C12orf56: variants seen among roughly 807,000 people sequenced by gnomAD.
C12orf56 encodes chromosome 12 open reading frame 56.
Under a neutral mutation model 69.9 loss-of-function variants are expected in C12orf56, and 71 were observed. That is an observed-to-expected ratio of 1.02 (90% confidence interval 0.84 to 1.24). C12orf56 has a LOEUF of 1.24. Ranked by LOEUF, C12orf56 falls within the 50% of genes most tolerant of loss-of-function variation. The pLI, the probability that C12orf56 is intolerant of heterozygous loss-of-function variation, is 0.00. For synonymous variants in C12orf56, 276 were observed against 274.1 expected (o/e 1.01, Z -0.07); for missense variants, 732 against 738.5 (o/e 0.99, Z 0.10).
chr12:64,372,096 T>A (rs772205546), intron 1 of C12orf56, among the ~76,000 whole-genome samples: 41 of 152,078 alleles, frequency 2.7e-4, no homozygotes, highest in Admixed American at 5.2e-4. Context: ...CACAGTACTT[T>A]CTCTGTTCAA....
chr12:64,266,631 A>T lies in C12orf56; in HGVS notation c.*552T>A. On this transcript the variant is annotated 3_prime_UTR_variant, in exon 13 of 13. Transcript: ENST00000543942. ...GGTTTTTGGATGGCTCTGAGTACAG[A>T]ATCGGGTGAAGAGCATGCTCCTGTG... 1 of 847,496 alleles carries T rather than the reference A, an allele frequency of 1.2e-6. No individual in the cohort carries two copies. Among genetic ancestry groups the T allele is most frequent in the South Asian group, 4.7e-5 (1 of 21,176 alleles). 52.5% of individuals were successfully genotyped at this position (847,496 alleles called of 1,614,324 possible). A position where few individuals can be genotyped will look rare whatever the true frequency, so the allele number is the denominator to read the frequency against.
At chr12:64,268,786 C>T (rs993669377) in intron 12 of C12orf56, among the ~76,000 whole-genome samples, 1 of 151,956 alleles carries the variant, frequency 6.6e-6, no homozygotes, top group African/African-American at 2.4e-5. Context: ...TTTGGACGAG[C>T]TCAGAGCCAA....
intron 2 of C12orf56, among the ~76,000 whole-genome samples, chr12:64,350,093 G>GAAAA (rs200890156): frequency 8.4e-6 from 1 of 119,528 alleles, no homozygotes. Context: ...CTCAGTCTCA[G>GAAAA]AAAAAAAAAA....
At chr12:64,308,046 C>T (rs1351172144) in intron 5 of C12orf56, among the ~76,000 whole-genome samples, 4 of 151,052 alleles carry the variant, frequency 2.6e-5, no homozygotes, top group East Asian at 3.9e-4. Context: ...CGGCTGGGCG[C>T]GGTGGCTCGT....
At chr12:64,283,986 C>T (rs2038165886) in intron 8 of C12orf56, among the ~76,000 whole-genome samples, 1 of 151,598 alleles carries the variant, frequency 6.6e-6, no homozygotes, top group South Asian at 2.1e-4. Context: ...CAACCTCCAC[C>T]TCCCAGGTTC....
chr12:64,383,285 C>A (rs2039744768), intron 1 of C12orf56, among the ~76,000 whole-genome samples: 1 of 149,104 alleles, frequency 6.7e-6, no homozygotes, highest in South Asian at 2.1e-4. Context: ...CCAGTGCAAT[C>A]CAGCCTGGGC....
At chr12:64,388,732 C>T (rs1181980146) in intron 1 of C12orf56, among the ~76,000 whole-genome samples, 2 of 152,196 alleles carry the variant, frequency 1.3e-5, no homozygotes, top group East Asian at 3.8e-4. Context: ...TGGCATGAGC[C>T]TGTAGTCCCA....
intron 1 of C12orf56, among the ~76,000 whole-genome samples, chr12:64,384,236 T>TA (rs1484278714): frequency 2.0e-5 from 3 of 152,196 alleles, no homozygotes; most frequent in Non-Finnish European, 2.9e-5. Flanking sequence ...CTTAGGTACT[T>TA]ACGCTATTCC....
At chr12:64,318,368 C>G (rs964289705) in intron 4 of C12orf56, among the ~76,000 whole-genome samples, 4 of 152,106 alleles carry the variant, frequency 2.6e-5, no homozygotes, top group African/African-American at 7.2e-5. Context: ...CGTCCAGAAA[C>G]TGCTCATTAA....
intron 2 of C12orf56, among the ~76,000 whole-genome samples, chr12:64,345,417 C>CA (rs1382072923): frequency 2.6e-5 from 4 of 151,714 alleles, no homozygotes; most frequent in South Asian, 4.2e-4. Context: ...TTTCTTCTGG[C>CA]AAAAAAAAGT....
At chr12:64,342,370 C>G (rs1206206046) in intron 2 of C12orf56, among the ~76,000 whole-genome samples, 2 of 152,172 alleles carry the variant, frequency 1.3e-5, no homozygotes, top group Non-Finnish European at 1.5e-5. Context: ...AGAAAGAGGC[C>G]GTAGTGCTGC....
At chr12:64,369,060 T>C (rs373587970) in intron 1 of C12orf56, among the ~76,000 whole-genome samples, 212 of 151,540 alleles carry the variant, frequency 1.4e-3, no homozygotes, top group African/African-American at 4.8e-3. Flanking sequence ...GGTTTATGCC[T>C]GTGATCCCAG....
At chr12:64,354,955 G>C (rs531013108) in intron 1 of C12orf56, among the ~76,000 whole-genome samples, 85 of 151,408 alleles carry the variant, frequency 5.6e-4, no homozygotes, top group Non-Finnish European at 9.7e-4. Context: ...GTGCATGCCT[G>C]TAGTCACAGC....
chr12:64,357,141 C>T (rs1437490553), intron 1 of C12orf56, among the ~76,000 whole-genome samples: 1 of 150,864 alleles, frequency 6.6e-6, no homozygotes, highest in Non-Finnish European at 1.5e-5. Context: ...GGTCTTTCAA[C>T]TTATGAAAAG....
intron 6 of C12orf56, among the ~76,000 whole-genome samples, chr12:64,294,558 G>C (rs1167577513): frequency 6.6e-6 from 1 of 152,102 alleles, no homozygotes; most frequent in African/African-American, 2.4e-5. Flanking sequence ...CATTATGCTA[G>C]GTGAAATCTC....
chr12:64,266,555 G>T lies in C12orf56; in HGVS notation c.*628C>A. 3.2e-6 allele frequency: 1 copy of T among 311,422 alleles called. No homozygotes were observed. Among genetic ancestry groups the T allele is most frequent in the Non-Finnish European group, 6.5e-6 (1 of 154,408 alleles). 19.3% of individuals were successfully genotyped at this position (311,422 alleles called of 1,614,324 possible). On this transcript the variant is annotated 3_prime_UTR_variant, in exon 13 of 13. Coordinates refer to ENST00000543942, the MANE Select transcript of C12orf56 (RefSeq NM_001170633.2). ...TTCCAGAAGTGGCGTGGATGCGCCAGGCCCTGCTGGTGGTGGACATAGTGG... is the reference window on the plus strand; with the variant it reads ...TTCCAGAAGTGGCGTGGATGCGCCATGCCCTGCTGGTGGTGGACATAGTGG...
chr12:64,356,170 C>CAAAAAAAAAAAAAAAAAAAAAAAAAA (rs761289428), intron 1 of C12orf56, among the ~76,000 whole-genome samples: 1 of 48,432 alleles, frequency 2.1e-5, no homozygotes. Flanking sequence ...GACTCCATCT[C>CAAAAAAAAAAAAAAAAAAAAAAAAAA]AAAAAAAAAA....
rs537451851 is a variant in C12orf56 at position 64,315,096 on chromosome 12, C to T, written c.895-2344G>A. Among the ~76,000 whole-genome samples the T allele has an allele frequency of 2.3e-3, 353 of 151,560 alleles. 3 individuals carry two copies. The highest frequency in any genetic ancestry group is 8.0e-3 in the African/African-American group (332 of 41,270). On this transcript the variant is annotated intron_variant, in intron 4 of 12. Coordinates refer to ENST00000543942, the MANE Select transcript of C12orf56 (RefSeq NM_001170633.2). The stretch of plus-strand genomic sequence containing the variant: ...CTTCCTGAGTAACTGGGATTCCAGG[C>T]GCCCACCACCACGGCCAGCCAATTT...
rs1565783086 is a variant in C12orf56 at position 64,380,123 on chromosome 12, A to AAAC, written c.252+10190_252+10191insGTT. Among the ~76,000 whole-genome samples the AAAC allele has an allele frequency of 2.8e-4, 26 of 92,546 alleles. 1 individual carries two copies. The highest frequency in any genetic ancestry group is 7.6e-4 in the African/African-American group (21 of 27,492). The allele number at this position is 92,546 out of a possible 152,430, so 60.7% of individuals were successfully genotyped here. ...CCGTCGCAAAAAAAAAAAAAAAAAA[A>AAAC]AAAAAAAAAAACAAAACAAACAAAA... On this transcript the variant is annotated intron_variant, in intron 1 of 12. Coordinates refer to ENST00000543942, the MANE Select transcript of C12orf56 (RefSeq NM_001170633.2).
Sources: allele counts gnomAD v4.1 joint callset (sites outside exome capture counted in the v4.1 genomes callset), GRCh38; gene constraint gnomAD v4.1.1; transcripts MANE v1.5; gene names NCBI Gene and HGNC (gene_info 2026-07-23, HGNC 2026-07-21).